PACRGL: variants seen among roughly 807,000 people sequenced by gnomAD.
PACRGL encodes parkin coregulated like.
In PACRGL, 38 loss-of-function variants were observed where a neutral mutation model predicts 34.5. The ratio of observed to expected loss-of-function variants is 1.10; its 90% CI spans 0.85 to 1.44. The LOEUF is 1.44. Ranked by LOEUF, PACRGL falls within the 40% of genes most tolerant of loss-of-function variation. The probability of loss-of-function intolerance (pLI) is 0.00; values close to 1 mark genes in which losing one functional copy is unlikely to be tolerated. For synonymous variants in PACRGL, 128 were observed against 100.1 expected, an observed-to-expected ratio of 1.28 and a Z score of -1.66; for missense variants, 305 against 281.4, an observed-to-expected ratio of 1.08 and a Z score of -0.60.
intron 8 of PACRGL, among the ~76,000 whole-genome samples, chr4:20,743,143 C>A (rs1751574892): frequency 6.6e-6 from 1 of 152,108 alleles, no homozygotes; most frequent in Non-Finnish European, 1.5e-5. Context: ...GAAGAACATT[C>A]CATGTTCATG....
chr4:20,711,116 C>G (rs570830926), intron 5 of PACRGL, among the ~76,000 whole-genome samples: 1 of 151,954 alleles, frequency 6.6e-6, no homozygotes, highest in South Asian at 2.1e-4. Context: ...GTTATGTTTC[C>G]TTATTTTTTA....
intron 8 of PACRGL, among the ~76,000 whole-genome samples, chr4:20,751,540 A>C (rs183592676): frequency 8.5e-6 from 1 of 117,102 alleles, no homozygotes; most frequent in African/African-American, 3.7e-5. Context: ...CAGAGGAGGA[A>C]AAAAAAAAGA....
At chr4:20,716,758 A>C (rs1369894037) in intron 7 of PACRGL, among the ~76,000 whole-genome samples, 1 of 152,154 alleles carries the variant, frequency 6.6e-6, no homozygotes, top group Non-Finnish European at 1.5e-5. Context: ...GTTGGTTCCA[A>C]GTCTTTGCTA....
downstream of PACRGL, among the ~76,000 whole-genome samples, chr4:20,735,510 C>T (rs1749365641): frequency 6.9e-6 from 1 of 145,100 alleles, no homozygotes; most frequent in African/African-American, 2.5e-5. Context: ...TGATTAAATT[C>T]ATTTAGTGTT....
chr4:20,717,734 T>G (rs1424429932), intron 7 of PACRGL, among the ~76,000 whole-genome samples: 1 of 152,234 alleles, frequency 6.6e-6, no homozygotes, highest in Non-Finnish European at 1.5e-5. Context: ...CTGGTTACTG[T>G]AGCCTTGTAG....
intron 8 of PACRGL, among the ~76,000 whole-genome samples, chr4:20,746,671 G>A (rs953830529): frequency 6.6e-6 from 1 of 152,094 alleles, no homozygotes; most frequent in African/African-American, 2.4e-5. Flanking sequence ...TTTGATTGCT[G>A]ATGTTTTAGC....
Position 20,704,506 on chromosome 4 carries a change from G to A in PACRGL, c.25G>A (p.Gly9Ser). Residue 9 changes from glycine to serine, a missense_variant, in exon 2 of 9, where the codon GGT becomes AGT. Coordinates refer to ENST00000503585, the MANE Select transcript of PACRGL (RefSeq NM_001258345.3). ...AATGCAGAAATCAGAGGGCTCTGGAGGTACACAGTTGAAAAACAGAGCAAC... is the reference window on the plus strand; with the variant it reads ...AATGCAGAAATCAGAGGGCTCTGGAAGTACACAGTTGAAAAACAGAGCAAC... MQKSEGSG[G>S]TQLKNRATGN... is the part of the protein sequence containing the mutation. The A allele has an allele frequency of 6.2e-7, 1 of 1,613,888 alleles. No homozygotes were observed. Among genetic ancestry groups the A allele is most frequent in the Non-Finnish European group, 8.5e-7 (1 of 1,179,932 alleles).
At chr4:20,756,700 A>G (rs1469043258), downstream of PACRGL, among the ~76,000 whole-genome samples, 1 of 152,016 alleles carries the variant, frequency 6.6e-6, no homozygotes, top group Non-Finnish European at 1.5e-5. Flanking sequence ...GATCATGCCC[A>G]ACAATGACTC....
At chr4:20,723,125 GAGAAGACAT>G (rs1744130741) in intron 7 of PACRGL, among the ~76,000 whole-genome samples, 1 of 152,164 alleles carries the variant, frequency 6.6e-6, no homozygotes, top group African/African-American at 2.4e-5. Context: ...TTCAGGTGAG[GAGAAGACAT>G]AGTGAGAATA....
At chr4:20,749,823 A>C in intron 8 of PACRGL, 1 of 756,052 alleles carries the variant, frequency 1.3e-6, no homozygotes, top group South Asian at 1.9e-5. Flanking sequence ...TTGATCCAGA[A>C]GAATTAACTC....
At chr4:20,701,828 A>G (rs558190650) in intron 1 of PACRGL, 200 of 456,640 alleles carry the variant, frequency 4.4e-4, no homozygotes, top group Non-Finnish European at 7.6e-4. Context: ...TGGTTGGGTC[A>G]AATCTATAGA....
At chr4:20,743,817 A>G (rs1282067081) in intron 8 of PACRGL, among the ~76,000 whole-genome samples, 2 of 152,132 alleles carry the variant, frequency 1.3e-5, no homozygotes, top group Non-Finnish European at 1.5e-5. Context: ...AGAAACTACC[A>G]TCAGAGTGAA....
rs1393827452 is a variant in PACRGL, at chr4:20,728,424, A to G, written c.*1083A>G. 1 of 152,218 alleles carries G rather than the reference A, an allele frequency of 6.6e-6. No individual in the cohort carries two copies. The highest frequency in any genetic ancestry group is 1.5e-5 in the Non-Finnish European group (1 of 68,036). The allele number at this position is 152,218 out of a possible 1,614,324, so 9.4% of individuals were successfully genotyped here. Reference sequence around the variant, plus strand: ...AGCTTTTAAAATATAATATAGACATAGTTCAGAATTTTGATGTAATAGAAG... The same window carrying G: ...AGCTTTTAAAATATAATATAGACATGGTTCAGAATTTTGATGTAATAGAAG... On this transcript the variant is annotated 3_prime_UTR_variant, in exon 9 of 9. Transcript: ENST00000503585.
At chr4:20,746,255 A>C (rs1160782750) in intron 8 of PACRGL, among the ~76,000 whole-genome samples, 1 of 152,162 alleles carries the variant, frequency 6.6e-6, no homozygotes, top group African/African-American at 2.4e-5. Context: ...CGTCATTCTC[A>C]GCAAACTATC....
intron 7 of PACRGL, among the ~76,000 whole-genome samples, chr4:20,720,576 C>T (rs909973073): frequency 9.2e-5 from 14 of 152,220 alleles, no homozygotes; most frequent in South Asian, 4.2e-4. Flanking sequence ...ATTTGTCCTT[C>T]GCTTATGAAG....
intron 8 of PACRGL, chr4:20,749,880 T>C: frequency 1.9e-6 from 1 of 535,736 alleles, no homozygotes. Flanking sequence ...ACCCTCTTTC[T>C]GTAGAGGACT....
At chr4:20,745,442 T>G (rs1486701182) in intron 8 of PACRGL, among the ~76,000 whole-genome samples, 2 of 152,064 alleles carry the variant, frequency 1.3e-5, no homozygotes, top group Admixed American at 6.6e-5. Context: ...AAAAGAAAAA[T>G]GAGAAACTTA....
At position 20,704,767 on chromosome 4, in the gene PACRGL, C is replaced by G. The variant is rs1418657432; in HGVS notation, c.160C>G (p.Leu54Val). 6.2e-7 allele frequency: 1 copy of G among 1,614,002 alleles called. No homozygotes were observed. Among genetic ancestry groups the G allele is most frequent in the African/African-American group, 1.3e-5 (1 of 74,926 alleles). The stretch of plus-strand genomic sequence containing the variant: ...CAGTTCTCCAGAGTCTGCAAGAAAA[C>G]TTCATCCTAGACCAAGTGATAAACT... ...STSSPESARKLHPRPSDKLNP... is the reference protein window; with the variant it reads ...STSSPESARKVHPRPSDKLNP... Residue 54 changes from leucine to valine, a missense_variant, in exon 3 of 9, where the codon CTT (leucine) becomes GTT (valine). By Grantham distance (32) the Leu-to-Val change is conservative. Coordinates refer to ENST00000503585, the MANE Select transcript of PACRGL (RefSeq NM_001258345.3).
upstream of PACRGL, among the ~76,000 whole-genome samples, chr4:20,698,006 C>T (rs950189579): frequency 1.3e-5 from 2 of 152,150 alleles, no homozygotes; most frequent in African/African-American, 4.8e-5. Context: ...ATGTGATCTT[C>T]ACTTATGGGT....
Sources: allele counts gnomAD v4.1 joint callset (sites outside exome capture counted in the v4.1 genomes callset), GRCh38; gene constraint gnomAD v4.1.1; transcripts MANE v1.5; gene names NCBI Gene and HGNC (gene_info 2026-07-23, HGNC 2026-07-21).